The following MUC5AC variants were observed in gnomAD, a reference collection of about 807,000 sequenced individuals.
MUC5AC encodes mucin-5AC.
A neutral mutation model predicts 169.7 loss-of-function variants in MUC5AC; 158 were observed. The observed-to-expected ratio is 0.93, with a 90% confidence interval of 0.82 to 1.06. The LOEUF is 1.06. Among genes scored for constraint, MUC5AC ranks in the 50% least tolerant of loss-of-function variants. The pLI is 0.00. For synonymous variants in MUC5AC, 1,975 were observed against 1,237.0 expected, an observed-to-expected ratio of 1.60 and a Z score of -12.52; for missense variants, 4,359 against 3,089.9, an observed-to-expected ratio of 1.41 and a Z score of -9.74.
rs1009593577 is a variant in MUC5AC at position 1,178,945 on chromosome 11, C to A, written c.3328-147C>A. ...CAGGCACTGTGGATATCCAGATGGG[C>A]CCAGCCGGCCACTTGGGGATGGGCA... On this transcript the variant is annotated intron_variant, in intron 25 of 48. Coordinates refer to ENST00000621226, the MANE Select transcript of MUC5AC (RefSeq NM_001304359.2). 365 of 441,178 alleles carry A rather than the reference C, an allele frequency of 8.3e-4. 1 individual carries two copies. The highest frequency in any genetic ancestry group is 1.2e-3 in the Non-Finnish European group (305 of 248,302). The allele number at this position is 441,178 out of a possible 1,614,324, so 27.3% of individuals were successfully genotyped here. A position where few individuals can be genotyped will look rare whatever the true frequency, so the allele number is the denominator to read the frequency against.
At chr11:1,178,866 C>T (rs1454929282) in intron 25 of MUC5AC, among the ~76,000 whole-genome samples, 183 bp downstream of exon 25, 2 of 152,298 alleles carry the variant, frequency 1.3e-5, no homozygotes, top group Non-Finnish European at 2.9e-5. Flanking sequence ...CACCTGTCAG[C>T]TATGGTTTCG....
chr11:1,178,524 G>A lies in MUC5AC; in HGVS notation c.3168G>A (p.Gly1056=). The change falls in exon 25 of 49, where the codon GGG becomes GGA. Residue 1056 remains glycine, a synonymous_variant. Transcript: ENST00000621226. ...CCACGCGGAGCCGGTCTGTGGTGGG[G>A]GACGTGCTGGAGTTTGGGAACAGCT... ...DFATRSRSVV[G]DVLEFGNSWK... is the part of the protein sequence containing the mutation. 3.1e-6 allele frequency: 4 copies of A among 1,287,168 alleles called. No homozygotes were observed. The South Asian group carries it at 5.8e-5, about 19-fold the overall frequency. The allele number at this position is 1,287,168 out of a possible 1,614,324, so 79.7% of individuals were successfully genotyped here. A position where few individuals can be genotyped will look rare whatever the true frequency, so the allele number is the denominator to read the frequency against.
chr11:1,184,793 C>T lies in MUC5AC; in HGVS notation c.6648C>T (p.Thr2216=), dbSNP rs1362105270. The part of the protein sequence containing the change: ...NYEVRVLCCE[T]PKGCPVTSTP... The stretch of plus-strand genomic sequence containing the variant: ...AGGTGCGTGTGCTCTGCTGCGAGAC[C>T]CCCAAAGGCTGCCCCGTGACCTCCA... Residue 2216 remains threonine (T), a synonymous_variant, in exon 31 of 49, where the codon ACC becomes ACT. Transcript: ENST00000621226. The T allele has an allele frequency of 3.1e-6, 2 of 655,404 alleles. No homozygotes were observed. Among genetic ancestry groups the T allele is most frequent in the Non-Finnish European group, 5.5e-6 (2 of 364,480 alleles). 40.6% of individuals were successfully genotyped at this position (655,404 alleles called of 1,614,324 possible).
chr11:1,187,118 TCCCACAACAAGCACAACCTCTGCC>T lies in MUC5AC; in HGVS notation c.8976_8999del (p.Thr2997_Thr3004del). On this transcript the variant is annotated inframe_deletion, in exon 31 of 49. Coordinates refer to ENST00000621226, the MANE Select transcript of MUC5AC (RefSeq NM_001304359.2). ...TTCCCACCACCAGCACAACCTCTGCTCCCACAACAAGCACAACCTCTGCCCCTACAACCAGCACAATCTCGGCCC... is the reference window on the plus strand; with the variant it reads ...TTCCCACCACCAGCACAACCTCTGCTCCTACAACCAGCACAATCTCGGCCC... The T allele has an allele frequency of 2.8e-6, 2 of 720,918 alleles. No homozygotes were observed. Among genetic ancestry groups the T allele is most frequent in the East Asian group, 2.6e-5 (1 of 38,380 alleles). 44.7% of individuals were successfully genotyped at this position (720,918 alleles called of 1,614,324 possible).
chr11:1,195,903 C>A lies in MUC5AC; in HGVS notation c.15486C>A (p.Ile5162=). 1.4e-6 allele frequency: 1 copy of A among 733,260 alleles called. No individual in the cohort carries two copies. The highest frequency in any genetic ancestry group is 2.5e-6 in the Non-Finnish European group (1 of 398,496). 45.4% of individuals were successfully genotyped at this position (733,260 alleles called of 1,614,324 possible). ...SKVFEPCHTV[I]PPLLFYEGCV... ...TCTTTGAGCCGTGCCACACTGTGATCCCCCCACTGCTGTTCTATGAGGGCT... is the reference window on the plus strand; with the variant it reads ...TCTTTGAGCCGTGCCACACTGTGATACCCCCACTGCTGTTCTATGAGGGCT... Residue 5162 remains isoleucine (I), a synonymous_variant, in exon 37 of 49, where the codon ATC becomes ATA. Transcript: ENST00000621226.
rs2133761242 is a variant in MUC5AC at position 1,187,726 on chromosome 11, C to A, written c.9581C>A (p.Thr3194Asn). 1 of 765,210 alleles carries A rather than the reference C, an allele frequency of 1.3e-6. No individual in the cohort carries two copies. Among genetic ancestry groups the A allele is most frequent in the East Asian group, 2.4e-5 (1 of 41,248 alleles). 47.4% of individuals were successfully genotyped at this position (765,210 alleles called of 1,614,324 possible). ...ACCACTCCCAGCCCCGTTCCCACCACCAGCACAGCCTCTGTTTCAAAGACC... is the reference window on the plus strand; with the variant it reads ...ACCACTCCCAGCCCCGTTCCCACCAACAGCACAGCCTCTGTTTCAAAGACC... The part of the protein sequence containing the change: ...PGTTPSPVPT[T>N]STASVSKTST... Residue 3194 changes from threonine to asparagine, a missense_variant, in exon 31 of 49, where the codon ACC (threonine) becomes AAC (asparagine). By Grantham distance (65) the Thr-to-Asn change is moderately conservative. Transcript: ENST00000621226.
At chr11:1,182,086 C>T (rs920186591) in intron 30 of MUC5AC, 69 bp from the exon 31 acceptor site, 9 of 288,854 alleles carry the variant, frequency 3.1e-5, no homozygotes, top group East Asian at 1.6e-4. Flanking sequence ...GTGACAGAGC[C>T]GCAGGGAGGG....
At position 1,184,870 on chromosome 11, in the gene MUC5AC, A is replaced by C. The variant is rs1487957917; in HGVS notation, c.6725A>C (p.Gln2242Pro). 1.6e-3 allele frequency: 1,038 copies of C among 637,654 alleles called. 12 individuals are homozygous for C. In the African/African-American group the frequency reaches 0.017, roughly 10 times the overall value. 39.5% of individuals were successfully genotyped at this position (637,654 alleles called of 1,614,324 possible). A position where few individuals can be genotyped will look rare whatever the true frequency, so the allele number is the denominator to read the frequency against. Reference sequence around the variant, plus strand: ...AGTGGGAGAGCCACCAGCCCAACTCAGAGCACCTCCTCTTGGCAGAAATCC... The same window carrying C: ...AGTGGGAGAGCCACCAGCCCAACTCCGAGCACCTCCTCTTGGCAGAAATCC... ...TPSGRATSPT[Q>P]STSSWQKSRT... Residue 2242 changes from glutamine (Q) to proline (P), a missense_variant, in exon 31 of 49, where the codon CAG becomes CCG. Gln to Pro is a moderately conservative substitution (Grantham distance 76, BLOSUM62 -1). Coordinates refer to ENST00000621226, the MANE Select transcript of MUC5AC (RefSeq NM_001304359.2).
intron 2 of MUC5AC, among the ~76,000 whole-genome samples, chr11:1,161,223 T>G (rs551083563): frequency 6.6e-6 from 1 of 152,322 alleles, no homozygotes; most frequent in East Asian, 1.9e-4. Flanking sequence ...GAGATTGTCT[T>G]GAGCCGCTGA....
chr11:1,170,654 C>T (rs1860484434), intron 15 of MUC5AC, among the ~76,000 whole-genome samples: 11 of 137,824 alleles, frequency 8.0e-5, no homozygotes, highest in East Asian at 2.3e-4. Context: ...CCCATTCACC[C>T]ACTCACTCAC....
rs1860865432 is a variant in MUC5AC at position 1,183,820 on chromosome 11, C to T, written c.5675C>T (p.Ser1892Phe). The change falls in exon 31 of 49, where the codon TCT (serine) becomes TTT (phenylalanine). Residue 1892 changes from serine (S) to phenylalanine (F), a missense_variant. Ser to Phe is a radical substitution (Grantham distance 155). Coordinates refer to ENST00000621226, the MANE Select transcript of MUC5AC (RefSeq NM_001304359.2). ...AGCACACCTGGCACCGTGTCTCTCT[C>T]TACAGCCAGGACGACACCTGCCCCA... is the stretch of plus-strand genomic sequence containing the variant. ...PSSTPGTVSL[S>F]TARTTPAPGT... 7 of 419,272 alleles carry T rather than the reference C, an allele frequency of 1.7e-5. No individual in the cohort carries two copies. The highest frequency in any genetic ancestry group is 2.5e-5 in the Non-Finnish European group (6 of 240,886). 26.0% of individuals were successfully genotyped at this position (419,272 alleles called of 1,614,324 possible). A position where few individuals can be genotyped will look rare whatever the true frequency, so the allele number is the denominator to read the frequency against.
intron 11 of MUC5AC, 100 bp downstream of exon 11, chr11:1,165,860 G>A: frequency 6.5e-7 from 1 of 1,546,454 alleles, no homozygotes; most frequent in Non-Finnish European, 8.8e-7. Context: ...GCTGCCCCTG[G>A]GGTCACCCTT....
Position 1,198,303 on chromosome 11 carries a change from C to A in MUC5AC, c.16171C>A (p.Gln5391Lys), listed in dbSNP as rs757928576. The change falls in exon 43 of 49, where the codon CAG becomes AAG. Residue 5391 changes from glutamine (Q) to lysine (K), a missense_variant and splice_region_variant. Transcript: ENST00000621226. ...GTGCAGCATCAACGGGACCCTGTAC[C>A]AGGTAAGAGCCACGGAGCTCAGACC... ...TVCSINGTLY[Q>K]PGAVVSSSLC... The A allele has an allele frequency of 1.3e-6, 1 of 752,058 alleles. No homozygotes were observed. Among genetic ancestry groups the A allele is most frequent in the South Asian group, 1.4e-5 (1 of 72,274 alleles). 46.6% of individuals were successfully genotyped at this position (752,058 alleles called of 1,614,324 possible). A position where few individuals can be genotyped will look rare whatever the true frequency, so the allele number is the denominator to read the frequency against.
In MUC5AC at chr11:1,161,903, G is replaced by T. The variant is rs777995939; in HGVS notation, c.212-4G>T. On this transcript the variant is annotated splice_polypyrimidine_tract_variant and splice_region_variant and intron_variant, in intron 3 of 48. Transcript: ENST00000621226. Reference sequence around the variant, plus strand: ...CCCCAAACACCATGCTGCTTCCACCGCAGCCTCCAACCCGGCGCACAACGG... The same window carrying T: ...CCCCAAACACCATGCTGCTTCCACCTCAGCCTCCAACCCGGCGCACAACGG... 1 of 1,610,062 alleles carries T rather than the reference G, an allele frequency of 6.2e-7. No individual in the cohort carries two copies. Among genetic ancestry groups the T allele is most frequent in the East Asian group, 2.2e-5 (1 of 44,764 alleles).
chr11:1,177,858 C>T (rs1467651270), intron 24 of MUC5AC, among the ~76,000 whole-genome samples: 4 of 152,192 alleles, frequency 2.6e-5, no homozygotes, highest in South Asian at 2.1e-4. Context: ...CGCACCCTGG[C>T]GGATTTGCCC....
Position 1,200,627 on chromosome 11 carries a change from G to A in MUC5AC, c.16890G>A (p.Glu5630=), listed in dbSNP as rs751700948. The A allele has an allele frequency of 9.2e-6, 7 of 763,920 alleles. No homozygotes were observed. The highest frequency in any genetic ancestry group is 1.7e-5 in the Non-Finnish European group (7 of 417,188). 47.3% of individuals were successfully genotyped at this position (763,920 alleles called of 1,614,324 possible). Residue 5630 remains glutamate, a synonymous_variant, in exon 49 of 49, where the codon GAG becomes GAA. Transcript: ENST00000621226. ...CGGGCGACACCCAGCACTCGGAGGA[G>A]GCGGAACCCGAGCCCAGCCAGGAGG... ...PAPGDTQHSE[E]AEPEPSQEAE...
chr11:1,162,940 T>C lies in MUC5AC; in HGVS notation c.589-15T>C. 1 of 1,610,474 alleles carries C rather than the reference T, an allele frequency of 6.2e-7. No individual in the cohort carries two copies. The highest frequency in any genetic ancestry group is 8.5e-7 in the Non-Finnish European group (1 of 1,177,862). ...CCCTGGTGGGGATGGGTGTCTGATG[T>C]CTCTCCCTTTGCAGCTGGAGCTGGA... On this transcript the variant is annotated splice_polypyrimidine_tract_variant and intron_variant, in intron 5 of 48. Coordinates refer to ENST00000621226, the MANE Select transcript of MUC5AC (RefSeq NM_001304359.2).
Position 1,200,832 on chromosome 11 carries a change from T to C in MUC5AC, c.*130T>C, listed in dbSNP as rs1861412067. On this transcript the variant is annotated 3_prime_UTR_variant, in exon 49 of 49. Transcript: ENST00000621226. ...CTTTGAACACACTGTCCACGCCCGC[T>C]TTCTTGTGGAGGGTGTGGGCTATGG... is the stretch of plus-strand genomic sequence containing the variant. 2 of 620,410 alleles carry C rather than the reference T, an allele frequency of 3.2e-6. No homozygotes were observed. The highest frequency in any genetic ancestry group is 5.8e-6 in the Non-Finnish European group (2 of 345,746). The allele number at this position is 620,410 out of a possible 1,614,324, so 38.4% of individuals were successfully genotyped here.
At chr11:1,196,595 A>G in intron 38 of MUC5AC, 22 bp from the exon 39 acceptor site, 1 of 761,322 alleles carries the variant, frequency 1.3e-6, no homozygotes. Flanking sequence ...AAGGAGACCC[A>G]CCAACCCTAT....
Sources: allele counts gnomAD v4.1 joint callset (sites outside exome capture counted in the v4.1 genomes callset), GRCh38; gene constraint gnomAD v4.1.1; transcripts MANE v1.5; gene names NCBI Gene and HGNC (gene_info 2026-07-23, HGNC 2026-07-21).